The following VPS13D variants were observed in gnomAD, a reference collection of about 807,000 sequenced individuals.
VPS13D encodes the protein vacuolar protein sorting 13 homolog D, also known as intermembrane lipid transfer protein VPS13D.
A neutral mutation model predicts 461.9 loss-of-function variants in VPS13D; 187 were observed. The ratio of observed to expected loss-of-function variants is 0.40; its 90% CI spans 0.36 to 0.46. VPS13D has a LOEUF of 0.46. Ranked by LOEUF, VPS13D falls within the 20% of genes least tolerant of loss-of-function variation. The pLI is 0.60. For synonymous variants in VPS13D, 1,951 were observed against 1,986.3 expected (o/e 0.98, Z 0.47); for missense variants, 4,711 against 5,364.9 (o/e 0.88, Z 3.81).
intron 35 of VPS13D, among the ~76,000 whole-genome samples, chr1:12,325,451 G>C (rs1643156327): frequency 6.6e-6 from 1 of 152,020 alleles, no homozygotes; most frequent in East Asian, 1.9e-4. Flanking sequence ...GTAGAGACAG[G>C]GTTTCCCTTT....
At chr1:12,465,039 T>C (rs936698073) in intron 67 of VPS13D, 3 of 152,124 alleles carry the variant, frequency 2.0e-5, no homozygotes, top group Admixed American at 1.3e-4. Flanking sequence ...CATGTGAGAG[T>C]GCCCAGTCCA....
intron 67 of VPS13D, among the ~76,000 whole-genome samples, chr1:12,481,376 G>A (rs114088792): frequency 6.6e-6 from 1 of 152,072 alleles, no homozygotes; most frequent in South Asian, 2.1e-4. Context: ...AAAGGGCCTA[G>A]CCTCTTTCCC....
At chr1:12,295,763 A>C (rs990900378) in intron 24 of VPS13D, among the ~76,000 whole-genome samples, 1 of 152,224 alleles carries the variant, frequency 6.6e-6, no homozygotes, top group African/African-American at 2.4e-5. Context: ...ACCTCTAACT[A>C]AAAATTAAAG....
intron 63 of VPS13D, among the ~76,000 whole-genome samples, chr1:12,409,431 C>A (rs897824516): frequency 1.3e-5 from 2 of 152,036 alleles, no homozygotes; most frequent in African/African-American, 4.8e-5. Flanking sequence ...ATAGAAATGT[C>A]ATTAAGTTGC....
rs1180616466 is a variant in VPS13D, at chr1:12,283,035, T to G, written c.4933T>G (p.Leu1645Val). The G allele has an allele frequency of 6.2e-7, 1 of 1,614,196 alleles. No individual in the cohort carries two copies. Among genetic ancestry groups the G allele is most frequent in the African/African-American group, 1.3e-5 (1 of 75,032 alleles). The change falls in exon 21 of 70, where the codon TTA becomes GTA. Residue 1645 changes from leucine to valine, a missense_variant. By Grantham distance (32) the Leu-to-Val change is conservative (BLOSUM62 1). Transcript: ENST00000620676. ...LTLGAQGLVS[L>V]KFQDFEVEFS... ...TTTGGGGGCCCAAGGTCTTGTGAGC[T>G]TAAAGTTTCAGGACTTTGAGGTGGA...
rs891493616 is a variant in VPS13D, at chr1:12,345,243, G to C, written c.8886-131G>C. On this transcript the variant is annotated intron_variant, in intron 42 of 69. Transcript: ENST00000620676. ...GTGCTCCTGATTTCCCTTGCATTAG[G>C]TAATCTCCAAAAGGTTTAGCCAACT... is the stretch of plus-strand genomic sequence containing the variant. 18 of 1,027,500 alleles carry C rather than the reference G, an allele frequency of 1.8e-5. No homozygotes were observed. In the African/African-American group the frequency reaches 2.7e-4, roughly 15 times the overall value. 63.6% of individuals were successfully genotyped at this position (1,027,500 alleles called of 1,614,324 possible). A position where few individuals can be genotyped will look rare whatever the true frequency, so the allele number is the denominator to read the frequency against.
intron 63 of VPS13D, among the ~76,000 whole-genome samples, chr1:12,412,510 C>T (rs756764229): frequency 6.6e-6 from 1 of 152,172 alleles, no homozygotes; most frequent in African/African-American, 2.4e-5. Context: ...AATACCATCA[C>T]GTGACTTTTG....
intron 67 of VPS13D, among the ~76,000 whole-genome samples, chr1:12,474,396 G>C (rs1645602801): frequency 6.6e-6 from 1 of 152,004 alleles, no homozygotes; most frequent in Admixed American, 6.5e-5. Context: ...CTTTTCAGTG[G>C]GGCTCTTGGA....
chr1:12,314,432 A>C (rs1458002085), intron 30 of VPS13D, 105 bp downstream of exon 30: 2 of 1,037,196 alleles, frequency 1.9e-6, no homozygotes, highest in African/African-American at 3.2e-5. Context: ...ATCACTAGAC[A>C]GATAAATAGA....
At chr1:12,475,898 AAAAC>A (rs1645625328) in intron 67 of VPS13D, among the ~76,000 whole-genome samples, 1 of 152,144 alleles carries the variant, frequency 6.6e-6, no homozygotes, top group Non-Finnish European at 1.5e-5. Flanking sequence ...TAAAAAAAAA[AAAAC>A]AAAAAACAAA....
chr1:12,284,594 T>C (rs1043848880), intron 21 of VPS13D, among the ~76,000 whole-genome samples: 4 of 152,192 alleles, frequency 2.6e-5, no homozygotes, highest in African/African-American at 9.6e-5. Context: ...CTGCTGTCAC[T>C]AGCACTCGTC....
chr1:12,291,105 C>G lies in VPS13D; in HGVS notation c.5833C>G (p.Leu1945Val), dbSNP rs143175328. 5.0e-6 allele frequency: 8 copies of G among 1,612,274 alleles called. No individual in the cohort carries two copies. Among genetic ancestry groups the G allele is most frequent in the Non-Finnish European group, 6.8e-6 (8 of 1,179,578 alleles). Residue 1945 changes from leucine (L) to valine (V), a missense_variant, in exon 23 of 70, where the codon CTC becomes GTC. By Grantham distance (32) the Leu-to-Val change is conservative (BLOSUM62 1). Around this residue, in one of 3 missense-constraint regions of VPS13D, gnomAD observed 4,411 missense variants for 4,937.8 expected, o/e 0.89. Transcript: ENST00000620676. ...ERFTTSGEEA[L>V]IFQTFKYGRP... ...GTTCACTACCAGTGGTGAAGAAGCA[C>G]TCATCTTCCAGACTTTTAAGTAAAA... is the stretch of plus-strand genomic sequence containing the variant.
At chr1:12,368,702 A>G (rs1644073383) in intron 53 of VPS13D, 111 bp downstream of exon 53, 1 of 1,293,034 alleles carries the variant, frequency 7.7e-7, no homozygotes, top group Admixed American at 2.6e-5. Context: ...TTTAAAGGAA[A>G]CTATATGGAT....
intron 35 of VPS13D, among the ~76,000 whole-genome samples, chr1:12,324,942 C>A (rs560839187): frequency 3.9e-5 from 6 of 152,134 alleles, no homozygotes; most frequent in African/African-American, 1.4e-4. Context: ...CATCTTAGTC[C>A]CCTACGATGG....
chr1:12,505,032 A>G lies in VPS13D; in HGVS notation c.12795-1821A>G, dbSNP rs1391888430. ...ACCTCACATCTCAGTTGGATTTTTCATGCACATTCCTGCTGTCATCCCAAT... is the reference window on the plus strand; with the variant it reads ...ACCTCACATCTCAGTTGGATTTTTCGTGCACATTCCTGCTGTCATCCCAAT... On this transcript the variant is annotated intron_variant, in intron 68 of 69. Transcript: ENST00000620676. This position sits in a 1 kb window ranked among gnomAD's most constrained non-coding sequence, Gnocchi z 4.2. Among the ~76,000 whole-genome samples, 3 of 152,160 alleles carry G rather than the reference A, an allele frequency of 2.0e-5. No homozygotes were observed. The highest frequency in any genetic ancestry group is 2.9e-5 in the Non-Finnish European group (2 of 68,032).
intron 67 of VPS13D, among the ~76,000 whole-genome samples, chr1:12,480,506 C>T (rs1645700316): frequency 6.6e-6 from 1 of 152,164 alleles, no homozygotes; most frequent in Non-Finnish European, 1.5e-5. Context: ...TAGAAATTGG[C>T]TCTGGTAGTG....
chr1:12,320,119 G>C (rs756526092), intron 32 of VPS13D, among the ~76,000 whole-genome samples: 2 of 152,234 alleles, frequency 1.3e-5, no homozygotes, highest in Non-Finnish European at 2.9e-5. Flanking sequence ...TCCATAAAAG[G>C]GCAGCTCTGC....
At chr1:12,481,194 C>T (rs749312865) in intron 67 of VPS13D, among the ~76,000 whole-genome samples, 3 of 152,218 alleles carry the variant, frequency 2.0e-5, no homozygotes, top group Admixed American at 6.5e-5. Context: ...CCCAGAGGCA[C>T]GGGGAGGCCC....
intron 25 of VPS13D, among the ~76,000 whole-genome samples, chr1:12,303,989 G>A (rs1642494418): frequency 6.6e-6 from 1 of 152,180 alleles, no homozygotes; most frequent in South Asian, 2.1e-4. Context: ...CATAGGAATG[G>A]CTGGCCTCTT....
Sources: gnomAD v4.1 joint callset for allele counts (sites outside exome capture counted in the v4.1 genomes callset) on GRCh38, gnomAD v4.1.1 for gene constraint, gnomAD v4.1.1 regional missense constraint, Gnocchi (gnomAD v3.1) non-coding constraint, MANE v1.5 for transcripts, NCBI Gene and HGNC (gene_info 2026-07-23, HGNC 2026-07-21) for gene names.